Variants in ST18 observed in about 807,000 individuals in gnomAD.
ST18 encodes the protein suppression of tumorigenicity 18 protein.
ST18 carries 50 observed loss-of-function variants against 110.0 expected under a neutral mutation model. The ratio of observed to expected loss-of-function variants is 0.45; its 90% CI spans 0.36 to 0.58. The LOEUF (loss-of-function observed/expected upper bound fraction) is 0.58, where lower values mean the gene tolerates loss of function less well. Ranked by LOEUF, ST18 falls within the 20% of genes least tolerant of loss-of-function variation. ST18 has a pLI of 0.00. For synonymous variants in ST18, 461 were observed against 452.4 expected, an observed-to-expected ratio of 1.02 and a Z score of -0.24; for missense variants, 1,306 against 1,280.1, an observed-to-expected ratio of 1.02 and a Z score of -0.31.
intron 22 of ST18, among the ~76,000 whole-genome samples, chr8:52,127,903 TG>T (rs2047692158): frequency 6.6e-6 from 1 of 152,084 alleles, no homozygotes; most frequent in Non-Finnish European, 1.5e-5. Context: ...GGCTCCATAC[TG>T]GAAAGGCAGA....
intron 2 of ST18, chr8:52,407,047 C>T (rs997937324): frequency 1.3e-5 from 2 of 152,068 alleles, no homozygotes; most frequent in Non-Finnish European, 2.9e-5. Flanking sequence ...GCCAACTTTC[C>T]GATTACAGAA....
intron 25 of ST18, among the ~76,000 whole-genome samples, chr8:52,115,770 A>G (rs2042305668): frequency 1.3e-5 from 2 of 152,210 alleles, no homozygotes; most frequent in Admixed American, 1.3e-4. Flanking sequence ...GATTTTGAAA[A>G]TGAGGATTCC....
At chr8:52,245,671 A>G (rs2093787438) in intron 2 of ST18, among the ~76,000 whole-genome samples, 1 of 152,136 alleles carries the variant, frequency 6.6e-6, no homozygotes, top group African/African-American at 2.4e-5. Flanking sequence ...AGTATCAATT[A>G]ATATACATTT....
intron 25 of ST18, among the ~76,000 whole-genome samples, chr8:52,115,321 C>T (rs1010986542): frequency 1.3e-5 from 2 of 152,170 alleles, no homozygotes; most frequent in Non-Finnish European, 2.9e-5. Context: ...GCAATGTAGT[C>T]TCTCCTCCAA....
At chr8:52,253,212 A>G (rs1222685312) in intron 2 of ST18, among the ~76,000 whole-genome samples, 2 of 152,076 alleles carry the variant, frequency 1.3e-5, no homozygotes, top group East Asian at 3.8e-4. Context: ...CACTCCAGTT[A>G]TTTCCACATG....
chr8:52,159,527 GA>G (rs1220773491), intron 14 of ST18, among the ~76,000 whole-genome samples: 3 of 150,574 alleles, frequency 2.0e-5, no homozygotes, highest in South Asian at 2.1e-4. Flanking sequence ...TCCAGTGGCG[GA>G]AAAAAAAATG....
In ST18 at chr8:52,271,196, TA is replaced by T. The variant is rs2095064117; in HGVS notation, c.-464-41120del. 2.6e-5 allele frequency among the ~76,000 whole-genome samples: 4 copies of T among 152,180 alleles called. No individual in the cohort carries two copies. The South Asian group carries it at 8.3e-4, about 32-fold the overall frequency. On this transcript the variant is annotated intron_variant, in intron 2 of 25. Coordinates refer to ENST00000689386, the MANE Select transcript of ST18 (RefSeq NM_001352837.2). ...CATTTTTAAAGTCTCTTTCCTTATTTATAATTATCTCGAAAAAGATTTTTAA... is the reference window on the plus strand; with the variant it reads ...CATTTTTAAAGTCTCTTTCCTTATTTTAATTATCTCGAAAAAGATTTTTAA...
intron 16 of ST18, among the ~76,000 whole-genome samples, chr8:52,146,685 G>T (rs143644719): frequency 3.9e-5 from 6 of 151,934 alleles, no homozygotes; most frequent in Non-Finnish European, 7.4e-5. Context: ...GTCAATGAGC[G>T]CATTTAATAC....
rs745595027 is a variant in ST18 at position 52,165,185 on chromosome 8, C to G, written c.1245G>C (p.Pro415=). The G allele has an allele frequency of 1.2e-6, 2 of 1,614,162 alleles. No individual in the cohort carries two copies. The highest frequency in any genetic ancestry group is 1.7e-6 in the Non-Finnish European group (2 of 1,180,030). ...MHENVLKCPT[P]GCTGRGHVNS... is the part of the protein sequence containing the mutation. ...TCACATGACCCCTTCCTGTGCATCCCGGCGTGGGACACTTGAGCACATTTT... is the reference window on the plus strand; with the variant it reads ...TCACATGACCCCTTCCTGTGCATCCGGGCGTGGGACACTTGAGCACATTTT... Residue 415 remains proline (P), a synonymous_variant, in exon 12 of 26, where the codon CCG becomes CCC. Transcript: ENST00000689386.
chr8:52,371,913 AAT>A (rs1830408860), intron 2 of ST18, among the ~76,000 whole-genome samples: 2 of 152,198 alleles, frequency 1.3e-5, no homozygotes, highest in Admixed American at 6.5e-5. Context: ...GATAATGATA[AAT>A]ATGTTACTGC....
chr8:52,381,744 G>C (rs1330103848), intron 2 of ST18, among the ~76,000 whole-genome samples: 1 of 152,094 alleles, frequency 6.6e-6, no homozygotes, highest in Non-Finnish European at 1.5e-5. Context: ...ATTAGTATGT[G>C]TTCTTGTTAA....
At chr8:52,345,797 T>C (rs1485511654) in intron 2 of ST18, among the ~76,000 whole-genome samples, 1 of 152,220 alleles carries the variant, frequency 6.6e-6, no homozygotes, top group African/African-American at 2.4e-5. Flanking sequence ...ACTCCTTTCT[T>C]ATCTGCTTAC....
chr8:52,298,280 G>T (rs1034624156), intron 2 of ST18, among the ~76,000 whole-genome samples: 3 of 152,206 alleles, frequency 2.0e-5, no homozygotes, highest in Non-Finnish European at 4.4e-5. Context: ...AAGAGGAACT[G>T]GGATTGGTGG....
chr8:52,177,410 T>C (rs1257227490), intron 9 of ST18, among the ~76,000 whole-genome samples: 4 of 152,204 alleles, frequency 2.6e-5, no homozygotes, highest in Non-Finnish European at 5.9e-5. Context: ...GCTTCCCAGC[T>C]GCAGATGATA....
rs748933981 is a variant in ST18, at chr8:52,367,236, T to TCACACACACACACACACA, written c.-465+42074_-465+42091dup. Among the ~76,000 whole-genome samples, 848 of 120,228 alleles carry TCACACACACACACACACA rather than the reference T, an allele frequency of 7.1e-3. 9 individuals carry two copies. The highest frequency in any genetic ancestry group is 0.021 in the African/African-American group (673 of 32,620). 78.9% of individuals were successfully genotyped at this position (120,228 alleles called of 152,430 possible). A position where few individuals can be genotyped will look rare whatever the true frequency, so the allele number is the denominator to read the frequency against. Reference sequence around the variant, plus strand: ...CTGGGTGACAGAGCGGGACCCTGTCTCACACACACACACACACACACACAC... The same window carrying TCACACACACACACACACA: ...CTGGGTGACAGAGCGGGACCCTGTCTCACACACACACACACACACACACACACACACACACACACACAC... On this transcript the variant is annotated intron_variant, in intron 2 of 25. Coordinates refer to ENST00000689386, the MANE Select transcript of ST18 (RefSeq NM_001352837.2).
intron 2 of ST18, among the ~76,000 whole-genome samples, chr8:52,307,177 A>C (rs1212971539): frequency 2.0e-5 from 3 of 152,176 alleles, no homozygotes; most frequent in Non-Finnish European, 4.4e-5. Context: ...CAAGATGTGA[A>C]CTTGACTTAA....
chr8:52,254,672 C>T (rs751054148), intron 2 of ST18, among the ~76,000 whole-genome samples: 6 of 152,124 alleles, frequency 3.9e-5, no homozygotes, highest in Admixed American at 3.3e-4. Context: ...TTTATCGCCA[C>T]GGCAACAACA....
intron 2 of ST18, among the ~76,000 whole-genome samples, chr8:52,295,904 G>A (rs2095628605): frequency 6.6e-6 from 1 of 151,776 alleles, no homozygotes; most frequent in South Asian, 2.1e-4. Context: ...TCTGACTTCC[G>A]CAGAGTTCGA....
intron 2 of ST18, among the ~76,000 whole-genome samples, chr8:52,341,519 A>C (rs1815011077): frequency 6.6e-6 from 1 of 152,214 alleles, no homozygotes; most frequent in Admixed American, 6.5e-5. Context: ...CAAGGCTGCT[A>C]ATCAGCTGAC....
Sources: gnomAD v4.1 joint callset for allele counts (sites outside exome capture counted in the v4.1 genomes callset) on GRCh38, gnomAD v4.1.1 for gene constraint, MANE v1.5 for transcripts, NCBI Gene and HGNC (gene_info 2026-07-23, HGNC 2026-07-21) for gene names.